ANKRD24: variants seen among roughly 807,000 people sequenced by gnomAD.
The protein encoded by ANKRD24 is ankyrin repeat domain 24, also known as ankyrin repeat domain-containing protein 24.
A neutral mutation model predicts 127.8 loss-of-function variants in ANKRD24; 109 were observed. The ratio of observed to expected loss-of-function variants is 0.85; its 90% confidence interval spans 0.73 to 1.00. ANKRD24 has a LOEUF of 1.00. Among genes scored for constraint, ANKRD24 ranks in the 50% least tolerant of loss-of-function variants. ANKRD24 has a pLI of 0.00. For missense variants in ANKRD24, 1,648 were observed against 1,570.2 expected (o/e 1.05, Z -0.84); for synonymous variants, 743 against 671.1 (o/e 1.11, Z -1.66).
chr19:4,190,075 G>A (rs993837284), intron 2 of ANKRD24, among the ~76,000 whole-genome samples: 13 of 152,094 alleles, frequency 8.5e-5, no homozygotes, highest in African/African-American at 2.4e-4. Flanking sequence ...TTCTTCCCAC[G>A]TGGACTCAAT....
chr19:4,189,243 C>CTTTTTTTTTTTTTTTTTTTTTTT (rs398033749), intron 2 of ANKRD24, among the ~76,000 whole-genome samples: 4 of 73,952 alleles, frequency 5.4e-5, no homozygotes, highest in Non-Finnish European at 1.0e-4. Context: ...TTTCTTTCTT[C>CTTTTTTTTTTTTTTTTTTTTTTT]TTTTTTTTTT....
Position 4,224,526 on chromosome 19 carries a change from T to C in ANKRD24, c.*21T>C, listed in dbSNP as rs1159828901. On this transcript the variant is annotated 3_prime_UTR_variant, in exon 22 of 22. Coordinates refer to ENST00000318934, the MANE Select transcript of ANKRD24 (RefSeq NM_001393985.1). The stretch of plus-strand genomic sequence containing the variant: ...GCTGAGAAAGGCCAGGCCCAGTGGC[T>C]ACACTGACCACACCCACGCAGGGAC... 9 of 1,598,250 alleles carry C rather than the reference T, an allele frequency of 5.6e-6. No individual in the cohort carries two copies. The highest frequency in any genetic ancestry group is 7.7e-6 in the Non-Finnish European group (9 of 1,172,480).
chr19:4,197,629 G>A (rs568216034), intron 2 of ANKRD24, among the ~76,000 whole-genome samples: 64 of 152,212 alleles, frequency 4.2e-4, no homozygotes, highest in South Asian at 8.3e-4. Context: ...AAATAAATGG[G>A]TGAACGAATG....
chr19:4,202,308 C>T (rs1362331024), intron 6 of ANKRD24, among the ~76,000 whole-genome samples: 5 of 152,082 alleles, frequency 3.3e-5, no homozygotes, highest in Non-Finnish European at 2.9e-5. Flanking sequence ...TGGCTCACGC[C>T]TGTAATCCCA....
At chr19:4,206,565 A>G (rs1457195937) in intron 7 of ANKRD24, among the ~76,000 whole-genome samples, 4 of 152,000 alleles carry the variant, frequency 2.6e-5, no homozygotes, top group African/African-American at 2.4e-5. Context: ...AGGCCGAGGC[A>G]GGAGGATCAC....
chr19:4,216,941 C>A lies in ANKRD24; in HGVS notation c.1781C>A (p.Ala594Asp). 3 of 1,611,312 alleles carry A rather than the reference C, an allele frequency of 1.9e-6. No homozygotes were observed. The South Asian group carries it at 3.3e-5, about 18-fold the overall frequency. ...AEATGAEATG[A>D]KVTETKPTGA... ...GCCACGGGAGCTGAGGCCACAGGAG[C>A]CAAGGTCACAGAAACAAAACCCACA... is the stretch of plus-strand genomic sequence containing the variant. The change falls in exon 18 of 22, where the codon GCC becomes GAC. Residue 594 changes from alanine to aspartate, a missense_variant. By Grantham distance (126) the Ala-to-Asp change is moderately radical (BLOSUM62 -2). Coordinates refer to ENST00000318934, the MANE Select transcript of ANKRD24 (RefSeq NM_001393985.1).
chr19:4,209,978 G>T, intron 11 of ANKRD24, 80 bp from the exon 12 acceptor site: 1 of 783,168 alleles, frequency 1.3e-6, no homozygotes. Flanking sequence ...GGCTGGGGCT[G>T]GCTGGGTTGG....
chr19:4,196,740 C>A (rs985672394), intron 2 of ANKRD24, among the ~76,000 whole-genome samples: 2 of 152,190 alleles, frequency 1.3e-5, no homozygotes, highest in Non-Finnish European at 2.9e-5. Flanking sequence ...AGTCTCCAGG[C>A]CTGCGAATGC....
intron 1 of ANKRD24, among the ~76,000 whole-genome samples, chr19:4,182,965 T>TTGTGTGTGTGTGTGTG (rs57280997): frequency 0.12 from 16,142 of 138,420 alleles, 1,100 homozygotes; most frequent in Non-Finnish European, 0.13. Context: ...AATATCTCAT[T>TTGTGTGTGTGTGTGTG]TGTGTGTGTG....
At position 4,199,400 on chromosome 19, in the gene ANKRD24, C is replaced by T. The variant is rs904081340; in HGVS notation, c.37-283C>T. ...TGATGATTTTTATTTTTTGTAGAGA[C>T]GGGGTCCTACTATGGTGCCCAGGTT... On this transcript the variant is annotated intron_variant, in intron 2 of 21. Coordinates refer to ENST00000318934, the MANE Select transcript of ANKRD24 (RefSeq NM_001393985.1). This position sits in a 1 kb window ranked among gnomAD's most constrained non-coding sequence, Gnocchi z 5.2. The T allele has an allele frequency of 7.1e-5, 41 of 578,084 alleles. No homozygotes were observed. The highest frequency in any genetic ancestry group is 8.6e-4 in the Middle Eastern group (1 of 1,158). The allele number at this position is 578,084 out of a possible 1,614,324, so 35.8% of individuals were successfully genotyped here.
intron 7 of ANKRD24, among the ~76,000 whole-genome samples, chr19:4,204,867 C>T (rs570915553): frequency 6.6e-6 from 1 of 152,258 alleles, no homozygotes; most frequent in East Asian, 1.9e-4. Context: ...TCTGGGAGGC[C>T]CAGGCGGGCA....
rs1555718452 is a variant in ANKRD24 at position 4,216,123 on chromosome 19, G to A, written c.1270+73G>A. The A allele has an allele frequency of 1.1e-5, 16 of 1,487,852 alleles. No homozygotes were observed. The South Asian group carries it at 1.5e-4, about 13-fold the overall frequency. The allele number at this position is 1,487,852 out of a possible 1,614,324, so 92.2% of individuals were successfully genotyped here. On this transcript the variant is annotated intron_variant, in intron 16 of 21. Transcript: ENST00000318934. ...GCCCTGGAAGACGGAGCCTCTGGGT[G>A]TGGGGGAGTTTGAAGCTGGGAGGGA...
At chr19:4,211,818 C>A (rs1281091958) in intron 13 of ANKRD24, among the ~76,000 whole-genome samples, 3 of 152,072 alleles carry the variant, frequency 2.0e-5, no homozygotes, top group African/African-American at 7.2e-5. Context: ...AATGACTGGT[C>A]AGAATGGTGC....
chr19:4,216,159 C>T, intron 16 of ANKRD24, 109 bp downstream of exon 16: 3 of 1,402,338 alleles, frequency 2.1e-6, no homozygotes, highest in Non-Finnish European at 2.9e-6. Context: ...GGTTTGTACT[C>T]ATCCGTTTTT....
At chr19:4,207,194 G>T (rs1328019919) in intron 7 of ANKRD24, 48 bp from the exon 8 acceptor site, 15 of 1,571,788 alleles carry the variant, frequency 9.5e-6, no homozygotes, top group Non-Finnish European at 1.3e-5. Flanking sequence ...AAGGTGCTGG[G>T]ATTACAGGGT....
rs151212014 is a variant in ANKRD24 at position 4,195,228 on chromosome 19, A to G, written c.37-4455A>G. Among the ~76,000 whole-genome samples, 2,996 of 151,776 alleles carry G rather than the reference A, an allele frequency of 0.02. 58 individuals carry two copies. Among genetic ancestry groups the G allele is most frequent in the Middle Eastern group, 0.045 (13 of 290 alleles). ...GCTGGGACTACAGGCGCCCACCACCACGCCCGGCTAATTTTTTGTATTTTT... is the reference window on the plus strand; with the variant it reads ...GCTGGGACTACAGGCGCCCACCACCGCGCCCGGCTAATTTTTTGTATTTTT... On this transcript the variant is annotated intron_variant, in intron 2 of 21. Coordinates refer to ENST00000318934, the MANE Select transcript of ANKRD24 (RefSeq NM_001393985.1). This position sits in a 1 kb window ranked among gnomAD's most constrained non-coding sequence, Gnocchi z 4.2.
Position 4,217,114 on chromosome 19 carries a change from A to G in ANKRD24, c.1954A>G (p.Met652Val). The change falls in exon 18 of 22, where the codon ATG becomes GTG. Residue 652 changes from methionine to valine, a missense_variant. Coordinates refer to ENST00000318934, the MANE Select transcript of ANKRD24 (RefSeq NM_001393985.1). ...AAAAACAAAAGCAGAGGAAGCAGAA[A>G]TGCAGGCCTACGGAGTGGGTGCTGG... ...ATKTKAEEAE[M>V]QAYGVGAGQA... 2 of 1,613,744 alleles carry G rather than the reference A, an allele frequency of 1.2e-6. No homozygotes were observed. Among genetic ancestry groups the G allele is most frequent in the Non-Finnish European group, 1.7e-6 (2 of 1,179,836 alleles).
rs369165846 is a variant in ANKRD24, at chr19:4,224,570, C to T, written c.*65C>T. The T allele has an allele frequency of 2.7e-5, 39 of 1,452,280 alleles. No individual in the cohort carries two copies. The African/African-American group carries it at 5.5e-4, about 20-fold the overall frequency. 90.0% of individuals were successfully genotyped at this position (1,452,280 alleles called of 1,614,324 possible). A position where few individuals can be genotyped will look rare whatever the true frequency, so the allele number is the denominator to read the frequency against. ...CAGGGACCTCACCCCCCTGCAGGCC[C>T]CTTGCAGACCGGCTTCACTTGGCTT... is the stretch of plus-strand genomic sequence containing the variant. On this transcript the variant is annotated 3_prime_UTR_variant, in exon 22 of 22. Transcript: ENST00000318934.
At position 4,195,068 on chromosome 19, in the gene ANKRD24, G is replaced by GTT. The variant is rs1290644845; in HGVS notation, c.37-4613_37-4612dup. Among the ~76,000 whole-genome samples the GTT allele has an allele frequency of 6.6e-6, 1 of 151,210 alleles. No individual in the cohort carries two copies. The highest frequency in any genetic ancestry group is 1.5e-5 in the Non-Finnish European group (1 of 67,816). ...AGCCACCGCGCCCAGGTTTTTGTTT[G>GTT]TTTGTTTGTTTGTTTGTTTTTAGAG... On this transcript the variant is annotated intron_variant, in intron 2 of 21. Transcript: ENST00000318934. The surrounding 1 kb of genome is among the most constrained non-coding windows in gnomAD (Gnocchi z 4.2).
Sources: gnomAD v4.1 joint callset for allele counts (sites outside exome capture counted in the v4.1 genomes callset) on GRCh38, gnomAD v4.1.1 for gene constraint, Gnocchi (gnomAD v3.1) non-coding constraint, MANE v1.5 for transcripts, NCBI Gene and HGNC (gene_info 2026-07-23, HGNC 2026-07-21) for gene names.